POLR3C: variants seen among roughly 807,000 people sequenced by gnomAD.
POLR3C encodes the protein DNA-directed RNA polymerase III subunit RPC3.
Under a neutral mutation model 65.9 loss-of-function variants are expected in POLR3C, and 44 were observed. The ratio of observed to expected loss-of-function variants is 0.67; its 90% confidence interval spans 0.52 to 0.86. The LOEUF is 0.86. POLR3C is among the 40% of genes least tolerant of loss of function. The pLI is 0.00. For synonymous variants in POLR3C, 263 were observed against 231.6 expected, an observed-to-expected ratio of 1.14 and a Z score of -1.23; for missense variants, 576 against 653.2, an observed-to-expected ratio of 0.88 and a Z score of 1.29.
intron 5 of POLR3C, among the ~76,000 whole-genome samples, chr1:145,829,569 C>T (rs1651117801): frequency 6.6e-6 from 1 of 152,222 alleles, no homozygotes; most frequent in African/African-American, 2.4e-5. Context: ...GATTAGACTC[C>T]TTTAATAGCT....
rs369165676 is a variant in POLR3C, at chr1:145,826,402, G to A, written c.148-52G>A. On this transcript the variant is annotated intron_variant, in intron 2 of 14. Transcript: ENST00000334163. ...TGGACAAAAAATTGCCAGCAGTAAT[G>A]AGCTATATCTTCAGGTCTTTCCTCT... 8.3e-6 allele frequency: 13 copies of A among 1,574,568 alleles called. No individual in the cohort carries two copies. The Admixed American group carries it at 8.5e-5, about 10-fold the overall frequency.
At chr1:145,835,652 G>A (rs587746518) in intron 7 of POLR3C, among the ~76,000 whole-genome samples, 1 of 150,958 alleles carries the variant, frequency 6.6e-6, no homozygotes, top group Admixed American at 6.6e-5. Flanking sequence ...TCAGCTCACT[G>A]CAACCTCCGC....
chr1:145,836,370 T>A, intron 7 of POLR3C, 124 bp from the exon 8 acceptor site: 1 of 678,212 alleles, frequency 1.5e-6, no homozygotes, highest in South Asian at 1.7e-5. Flanking sequence ...TCCACCTGCC[T>A]CAGCCTCCCA....
rs369553928 is a variant in POLR3C at position 145,840,003 on chromosome 1, T to C, written c.1323+12T>C. ...ACAGGTGCTACAAGGTAACTCAATC[T>C]GGACCTTCTCCCCATTTCCTCCATA... On this transcript the variant is annotated intron_variant, in intron 12 of 14. Transcript: ENST00000334163. 7.6e-6 allele frequency: 12 copies of C among 1,572,454 alleles called. No individual in the cohort carries two copies. The African/African-American group carries it at 1.6e-4, about 21-fold the overall frequency.
At position 145,842,557 on chromosome 1, in the gene POLR3C, G is replaced by A; in HGVS notation, c.*137G>A. 2 of 694,718 alleles carry A rather than the reference G, an allele frequency of 2.9e-6. No homozygotes were observed. The highest frequency in any genetic ancestry group is 1.6e-5 in the South Asian group (1 of 64,180). 43.0% of individuals were successfully genotyped at this position (694,718 alleles called of 1,614,324 possible). A position where few individuals can be genotyped will look rare whatever the true frequency, so the allele number is the denominator to read the frequency against. On this transcript the variant is annotated 3_prime_UTR_variant, in exon 15 of 15. Coordinates refer to ENST00000334163, the MANE Select transcript of POLR3C (RefSeq NM_006468.8). ...CCCCTCTCTATCCCCTGCAGCCCAGGATACACCTGAAAGAATTTGGCATAT... is the reference window on the plus strand; with the variant it reads ...CCCCTCTCTATCCCCTGCAGCCCAGAATACACCTGAAAGAATTTGGCATAT...
chr1:145,834,339 G>C (rs1651603953), intron 7 of POLR3C, among the ~76,000 whole-genome samples: 1 of 152,150 alleles, frequency 6.6e-6, no homozygotes, highest in African/African-American at 2.4e-5. Flanking sequence ...TGAATGTGAT[G>C]GTCTACACGC....
intron 5 of POLR3C, among the ~76,000 whole-genome samples, chr1:145,830,422 A>G (rs587749427): frequency 6.6e-6 from 1 of 152,268 alleles, no homozygotes; most frequent in South Asian, 2.1e-4. Flanking sequence ...GATAAATATA[A>G]AGAATAGATA....
intron 13 of POLR3C, 96 bp downstream of exon 13, chr1:145,840,261 C>T (rs1652185548): frequency 1.2e-6 from 1 of 802,858 alleles, no homozygotes; most frequent in Admixed American, 2.0e-5. Context: ...GACGCTGGGC[C>T]TGGCAGGGTG....
intron 10 of POLR3C, 113 bp from the exon 11 acceptor site, chr1:145,837,943 G>A (rs1283588212): frequency 3.2e-6 from 3 of 934,450 alleles, no homozygotes; most frequent in African/African-American, 1.6e-5. Context: ...TCTGATCACT[G>A]TTCCTGTCTG....
At chr1:145,833,458 G>A (rs1553727754) in intron 6 of POLR3C, 32 bp from the exon 7 acceptor site, 2 of 1,584,876 alleles carry the variant, frequency 1.3e-6, no homozygotes, top group African/African-American at 1.3e-5. Context: ...GCAGCACTGT[G>A]ATTTCTGAAT....
chr1:145,841,018 G>A lies in POLR3C; in HGVS notation c.1470G>A (p.Met490Ile). 1 of 1,613,690 alleles carries A rather than the reference G, an allele frequency of 6.2e-7. No homozygotes were observed. The highest frequency in any genetic ancestry group is 2.2e-5 in the East Asian group (1 of 44,868). ...CACAGTTACAAGAAATAGAGGAGAT[G>A]ATCACAGCTCCTGAACGTCAGCAGC... ...EEAQLQEIEE[M>I]ITAPERQQLE... Residue 490 changes from methionine to isoleucine, a missense_variant, in exon 14 of 15, where the codon ATG (methionine) becomes ATA (isoleucine). By Grantham distance (10) the Met-to-Ile change is conservative (BLOSUM62 1). Coordinates refer to ENST00000334163, the MANE Select transcript of POLR3C (RefSeq NM_006468.8).
chr1:145,842,600 G>T lies in POLR3C; in HGVS notation c.*180G>T. On this transcript the variant is annotated 3_prime_UTR_variant, in exon 15 of 15. Transcript: ENST00000334163. ...TGGCATATTTAGATCCATTGCTGTA[G>T]TCTCCCCTCATCAAATCTTGGCAGT... The T allele has an allele frequency of 1.6e-6, 1 of 616,366 alleles. No individual in the cohort carries two copies. Among genetic ancestry groups the T allele is most frequent in the Non-Finnish European group, 2.9e-6 (1 of 345,542 alleles). 38.2% of individuals were successfully genotyped at this position (616,366 alleles called of 1,614,324 possible).
In POLR3C at chr1:145,843,952, GAAATCA is replaced by G. The variant is rs1652476778; in HGVS notation, c.*1540_*1545del. ...TTCAACATCACTAATCAGAGAAATGGAAATCAAAATCAATGAGATAACATCTCACCC... is the reference window on the plus strand; with the variant it reads ...TTCAACATCACTAATCAGAGAAATGGAAATCAATGAGATAACATCTCACCC... On this transcript the variant is annotated 3_prime_UTR_variant, in exon 15 of 15. Coordinates refer to ENST00000334163, the MANE Select transcript of POLR3C (RefSeq NM_006468.8). Among the ~76,000 whole-genome samples the G allele has an allele frequency of 6.6e-6, 1 of 152,126 alleles. No homozygotes were observed. The highest frequency in any genetic ancestry group is 1.5e-5 in the Non-Finnish European group (1 of 68,020).
At chr1:145,835,369 CG>C (rs1474647927) in intron 7 of POLR3C, among the ~76,000 whole-genome samples, 12 of 150,172 alleles carry the variant, frequency 8.0e-5, no homozygotes, top group African/African-American at 2.9e-4. Flanking sequence ...CGCTTGAACC[CG>C]GGAATGGGAG....
chr1:145,842,431 G>C lies in POLR3C; in HGVS notation c.*11G>C, dbSNP rs782580908. ...ATGAAGAGACAGTGATCCAGAAGAA[G>C]CATCTTCCTCAGAAGATCTGGGGGG... On this transcript the variant is annotated 3_prime_UTR_variant, in exon 15 of 15. Coordinates refer to ENST00000334163, the MANE Select transcript of POLR3C (RefSeq NM_006468.8). 31 of 1,565,130 alleles carry C rather than the reference G, an allele frequency of 2.0e-5. No homozygotes were observed. The highest frequency in any genetic ancestry group is 2.6e-5 in the Non-Finnish European group (30 of 1,136,368).
Position 145,837,540 on chromosome 1 carries a change from C to T in POLR3C, c.1014C>T (p.Leu338=), listed in dbSNP as rs782629650. The change falls in exon 10 of 15, where the codon CTC becomes CTT. Residue 338 remains leucine (L), a synonymous_variant. Coordinates refer to ENST00000334163, the MANE Select transcript of POLR3C (RefSeq NM_006468.8). The stretch of plus-strand genomic sequence containing the variant: ...ACCTTAATTCTCTACATAAAGACCT[C>T]CATAAGGCATTAGCATCCCTAGCCA... ...DSGGGMYVIN[L]HKALASLATA... 1.0e-5 allele frequency: 16 copies of T among 1,591,682 alleles called. No homozygotes were observed. The South Asian group carries it at 1.4e-4, about 13-fold the overall frequency.
chr1:145,834,839 G>A (rs1553728132), intron 7 of POLR3C, among the ~76,000 whole-genome samples: 2 of 151,990 alleles, frequency 1.3e-5, no homozygotes, highest in East Asian at 1.9e-4. Context: ...TTTTTATATT[G>A]TTTATTTTAA....
intron 7 of POLR3C, among the ~76,000 whole-genome samples, chr1:145,835,859 A>G (rs587650118): frequency 6.6e-6 from 1 of 152,208 alleles, no homozygotes; most frequent in African/African-American, 2.4e-5. Context: ...CAAAGTCGTG[A>G]TCCACCACAC....
At position 145,841,078 on chromosome 1, in the gene POLR3C, A is replaced by G. The variant is rs782639621; in HGVS notation, c.1523+7A>G. 2.0e-5 allele frequency: 33 copies of G among 1,612,266 alleles called. No homozygotes were observed. The Admixed American group carries it at 5.3e-4, about 26-fold the overall frequency. ...TGAAACGTAATGTCAACAAGTAAGC[A>G]TCATAAACTTCAGACCTGCATTTCA... On this transcript the variant is annotated splice_region_variant and intron_variant, in intron 14 of 14. Transcript: ENST00000334163.
Sources: gnomAD v4.1 joint callset for allele counts (sites outside exome capture counted in the v4.1 genomes callset) on GRCh38, gnomAD v4.1.1 for gene constraint, MANE v1.5 for transcripts, NCBI Gene and HGNC (gene_info 2026-07-23, HGNC 2026-07-21) for gene names.